Variants in RANBP2 observed in about 807,000 individuals in gnomAD.
RANBP2 encodes E3 SUMO-protein ligase RanBP2.
Under a neutral mutation model 303.6 loss-of-function variants are expected in RANBP2, and 57 were observed. The observed-to-expected ratio is 0.19, with a 90% CI of 0.15 to 0.23. The LOEUF (loss-of-function observed/expected upper bound fraction) is 0.23, where lower values mean the gene tolerates loss of function less well. RANBP2 is among the 10% of genes least tolerant of loss of function. RANBP2 has a pLI of 1.00. For missense variants in RANBP2, 3,138 were observed against 3,780.8 expected, an observed-to-expected ratio of 0.83 and a Z score of 4.46; for synonymous variants, 1,167 against 1,301.5, an observed-to-expected ratio of 0.90 and a Z score of 2.23.
chr2:108,836,287 C>T, the RANBP2 span, among the ~76,000 whole-genome samples: 5 of 152,148 alleles, frequency 3.3e-5, no homozygotes, highest in African/African-American at 1.2e-4. Flanking sequence ...GCTTATTTCA[C>T]TTAGCATAAT....
At chr2:109,274,462 A>G in the RANBP2 span, among the ~76,000 whole-genome samples, 1 of 152,238 alleles carries the variant, frequency 6.6e-6, no homozygotes, top group Non-Finnish European at 1.5e-5. Context: ...ATCAAAGGAA[A>G]TGAAATTGTC....
At chr2:109,487,857 G>A in the RANBP2 span, among the ~76,000 whole-genome samples, 2 of 152,352 alleles carry the variant, frequency 1.3e-5, no homozygotes, top group Non-Finnish European at 2.9e-5. Flanking sequence ...TGCCTGTTGT[G>A]TTCTCAGCAC....
chr2:108,735,607 A>C lies in RANBP2; in HGVS notation c.481A>C (p.Arg161=), dbSNP rs1178180594. The C allele has an allele frequency of 6.3e-7, 1 of 1,597,604 alleles. No individual in the cohort carries two copies. The highest frequency in any genetic ancestry group is 1.7e-5 in the Admixed American group (1 of 60,010). ...FDLIQSELYV[R]PDDVHVNIRL... ...CTTGATTCAGTCAGAACTTTATGTA[A>C]GACCTGATGACGTCCATGTGAACAT... The change falls in exon 5 of 29, where the codon AGA becomes CGA. Residue 161 remains arginine (R), a synonymous_variant. Transcript: ENST00000283195.
the RANBP2 span, among the ~76,000 whole-genome samples, chr2:108,995,501 A>C: frequency 1.7e-3 from 255 of 152,336 alleles, no homozygotes; most frequent in Admixed American, 5.0e-3. Context: ...TCAGCAAAAG[A>C]AAGCCAAAAT....
chr2:109,435,882 T>A, the RANBP2 span, among the ~76,000 whole-genome samples: 1 of 152,264 alleles, frequency 6.6e-6, no homozygotes, highest in Middle Eastern at 3.4e-3. Flanking sequence ...CTGGGTGAAG[T>A]TCAGCACAGC....
the RANBP2 span, among the ~76,000 whole-genome samples, chr2:109,064,466 A>AC: frequency 1.3e-5 from 2 of 148,632 alleles, 1 homozygote; most frequent in Non-Finnish European, 3.0e-5. Context: ...AAAAAAAAAA[A>AC]AAAAACAAAA....
the RANBP2 span, among the ~76,000 whole-genome samples, chr2:109,476,382 G>A: frequency 1.3e-5 from 2 of 152,150 alleles, no homozygotes; most frequent in South Asian, 4.1e-4. Context: ...GTAGCCCCTG[G>A]GTGAGGTACT....
the RANBP2 span, among the ~76,000 whole-genome samples, chr2:109,193,991 C>G: frequency 2.0e-5 from 3 of 152,222 alleles, no homozygotes; most frequent in African/African-American, 7.2e-5. Context: ...GAGTGAGTGA[C>G]TGACTGCTGA....
chr2:109,120,975 G>C, the RANBP2 span, among the ~76,000 whole-genome samples: 1 of 152,160 alleles, frequency 6.6e-6, no homozygotes. Context: ...GGCTGGGCGC[G>C]GTGGCTCACG....
the RANBP2 span, among the ~76,000 whole-genome samples, chr2:109,154,830 C>T: frequency 2.0e-5 from 3 of 152,290 alleles, no homozygotes; most frequent in Admixed American, 2.0e-4. Context: ...TTCTGAAGCC[C>T]CACTTTCTGC....
At chr2:108,911,474 G>A in the RANBP2 span, among the ~76,000 whole-genome samples, 1 of 152,208 alleles carries the variant, frequency 6.6e-6, no homozygotes. Flanking sequence ...GGATGCGAAA[G>A]TCAGCTCTGG....
chr2:109,108,307 G>C, the RANBP2 span, among the ~76,000 whole-genome samples: 1 of 152,328 alleles, frequency 6.6e-6, no homozygotes, highest in African/African-American at 2.4e-5. Context: ...CCAAAGTGCT[G>C]GGATTACAGG....
At chr2:109,329,810 A>T in the RANBP2 span, among the ~76,000 whole-genome samples, 9 of 152,346 alleles carry the variant, frequency 5.9e-5, no homozygotes, top group African/African-American at 2.2e-4. Context: ...CCCACCTTCA[A>T]CCCAGCTTCA....
Position 108,765,145 on chromosome 2 carries a change from T to C in RANBP2, c.4606T>C (p.Phe1536Leu), listed in dbSNP as rs1372411663. 1 of 1,614,148 alleles carries C rather than the reference T, an allele frequency of 6.2e-7. No individual in the cohort carries two copies. Among genetic ancestry groups the C allele is most frequent in the East Asian group, 2.2e-5 (1 of 44,878 alleles). Residue 1536 changes from phenylalanine (F) to leucine (L), a missense_variant, in exon 20 of 29, where the codon TTT becomes CTT. By Grantham distance (22) the Phe-to-Leu change is conservative. Transcript: ENST00000283195. ...SETSKTLKSGFEDMFAKKEGQ... is the reference protein window; with the variant it reads ...SETSKTLKSGLEDMFAKKEGQ... Reference sequence around the variant, plus strand: ...GACAAGTAAAACTCTAAAAAGTGGATTTGAAGACATGTTTGCTAAGAAGGA... The same window carrying C: ...GACAAGTAAAACTCTAAAAAGTGGACTTGAAGACATGTTTGCTAAGAAGGA...
chr2:108,997,043 A>G, the RANBP2 span, among the ~76,000 whole-genome samples: 2 of 152,210 alleles, frequency 1.3e-5, no homozygotes, highest in African/African-American at 4.8e-5. Context: ...GTCCAGGAGC[A>G]GAAAATGGGA....
chr2:109,576,021 C>T, the RANBP2 span, among the ~76,000 whole-genome samples: 2 of 152,094 alleles, frequency 1.3e-5, no homozygotes, highest in Non-Finnish European at 2.9e-5. Flanking sequence ...GTTTGGGAGA[C>T]CAAGGCAGGA....
chr2:108,748,342 G>A (rs1372246215), intron 8 of RANBP2, among the ~76,000 whole-genome samples: 3 of 151,102 alleles, frequency 2.0e-5, no homozygotes, highest in Non-Finnish European at 4.4e-5. Context: ...CCAGTAGCTG[G>A]GACTACAGGC....
At chr2:109,212,914 G>T in the RANBP2 span, among the ~76,000 whole-genome samples, 2 of 152,120 alleles carry the variant, frequency 1.3e-5, no homozygotes, top group South Asian at 4.1e-4. Context: ...ACTTCTGTTG[G>T]GTGGGGGAGA....
chr2:109,666,589 C>T, the RANBP2 span, among the ~76,000 whole-genome samples: 7 of 152,236 alleles, frequency 4.6e-5, no homozygotes, highest in South Asian at 1.2e-3. Context: ...TTGCCCTTGT[C>T]TGTTGTTCAA....
Sources: allele counts gnomAD v4.1 joint callset (sites outside exome capture counted in the v4.1 genomes callset), GRCh38; gene constraint gnomAD v4.1.1; transcripts MANE v1.5; gene names NCBI Gene and HGNC (gene_info 2026-07-23, HGNC 2026-07-21).